Variants in SGCZ observed in about 807,000 individuals in gnomAD.
The protein encoded by SGCZ is zeta-sarcoglycan.
In SGCZ, 40 loss-of-function variants were observed where a neutral mutation model predicts 41.3. That is an observed-to-expected ratio of 0.97 (90% CI 0.75 to 1.26). The LOEUF (loss-of-function observed/expected upper bound fraction) is 1.26, where lower values mean the gene tolerates loss of function less well. SGCZ is among the 50% of genes most tolerant of loss of function. The probability of loss-of-function intolerance (pLI) is 0.00; values close to 1 mark genes in which losing one functional copy is unlikely to be tolerated. For missense variants in SGCZ, 552 were observed against 369.8 expected (o/e 1.49, Z -4.04); for synonymous variants, 206 against 137.5 (o/e 1.50, Z -3.49).
chr8:14,806,761 T>A (rs955950605), intron 1 of SGCZ, among the ~76,000 whole-genome samples: 29 of 152,252 alleles, frequency 1.9e-4, no homozygotes, highest in African/African-American at 6.7e-4. Flanking sequence ...TACCAAAGCC[T>A]GGCAGAGACA....
intron 1 of SGCZ, among the ~76,000 whole-genome samples, chr8:15,189,093 C>G (rs1800445213): frequency 6.6e-6 from 1 of 152,086 alleles, no homozygotes; most frequent in South Asian, 2.1e-4. Flanking sequence ...TTAAGAGATT[C>G]AGGAAGATGG....
intron 1 of SGCZ, among the ~76,000 whole-genome samples, chr8:15,230,685 C>G (rs1038372655): frequency 6.6e-6 from 1 of 152,168 alleles, no homozygotes; most frequent in African/African-American, 2.4e-5. Flanking sequence ...ACCTTCCATT[C>G]TTCAGTCTAC....
intron 3 of SGCZ, among the ~76,000 whole-genome samples, chr8:14,256,409 A>G (rs949104560): frequency 2.0e-5 from 3 of 152,176 alleles, no homozygotes; most frequent in African/African-American, 7.2e-5. Context: ...GGAACTTGTT[A>G]GCACTCTGAT....
intron 2 of SGCZ, among the ~76,000 whole-genome samples, chr8:14,448,663 C>A (rs565281753): frequency 6.6e-6 from 1 of 150,954 alleles, no homozygotes; most frequent in Non-Finnish European, 1.5e-5. Flanking sequence ...ATTCAAGTTT[C>A]CTCAGTTCAT....
At chr8:14,318,076 C>T (rs1014383425) in intron 3 of SGCZ, among the ~76,000 whole-genome samples, 2 of 151,594 alleles carry the variant, frequency 1.3e-5, no homozygotes, top group African/African-American at 4.8e-5. Context: ...CTTGAGAATG[C>T]AGTGTATAAG....
chr8:14,435,422 T>G (rs140623914), intron 2 of SGCZ, among the ~76,000 whole-genome samples: 3,119 of 152,290 alleles, frequency 0.02, 64 homozygotes, highest in African/African-American at 0.039. Flanking sequence ...AGCATTAGTT[T>G]TAATTGTTTA....
At chr8:14,824,780 C>T (rs150980996) in intron 1 of SGCZ, among the ~76,000 whole-genome samples, 48 of 152,154 alleles carry the variant, frequency 3.2e-4, no homozygotes, top group African/African-American at 1.0e-3. Flanking sequence ...TCTACATAAA[C>T]GCTTAAATTT....
At chr8:14,284,959 T>A (rs995964587) in intron 3 of SGCZ, among the ~76,000 whole-genome samples, 5 of 152,190 alleles carry the variant, frequency 3.3e-5, no homozygotes, top group African/African-American at 1.2e-4. Flanking sequence ...ATGTTGGGCA[T>A]TTTCTATAAA....
intron 1 of SGCZ, among the ~76,000 whole-genome samples, chr8:14,723,165 G>C (rs547240982): frequency 6.6e-6 from 1 of 152,188 alleles, no homozygotes; most frequent in Non-Finnish European, 1.5e-5. Flanking sequence ...CACTCCCATG[G>C]AAAGAAACAG....
At chr8:14,614,929 A>T (rs190850211) in intron 1 of SGCZ, among the ~76,000 whole-genome samples, 1 of 152,276 alleles carries the variant, frequency 6.6e-6, no homozygotes, top group East Asian at 1.9e-4. Context: ...ATATTTTATC[A>T]CTTTATATAT....
intron 1 of SGCZ, among the ~76,000 whole-genome samples, chr8:14,645,088 C>A (rs1038438552): frequency 6.6e-6 from 1 of 151,486 alleles, no homozygotes; most frequent in East Asian, 2.0e-4. Context: ...TGGCAAGCAT[C>A]CCAGGGCATA....
intron 1 of SGCZ, among the ~76,000 whole-genome samples, chr8:14,831,150 T>A (rs145448028): frequency 7.9e-5 from 12 of 152,258 alleles, no homozygotes; most frequent in African/African-American, 2.6e-4. Context: ...ATGTCCATGA[T>A]GGAAACTATG....
chr8:15,031,422 C>T (rs1331765963), intron 1 of SGCZ, among the ~76,000 whole-genome samples: 1 of 152,114 alleles, frequency 6.6e-6, no homozygotes, highest in Admixed American at 6.5e-5. Context: ...TTTTGTTTTG[C>T]ATTAGGCTAA....
chr8:15,178,394 A>G (rs1585644131), intron 1 of SGCZ, among the ~76,000 whole-genome samples: 1 of 152,198 alleles, frequency 6.6e-6, no homozygotes, highest in East Asian at 1.9e-4. Context: ...TAATTTCTCT[A>G]AGCCTCAATT....
At chr8:15,018,080 A>C (rs1803107553) in intron 1 of SGCZ, among the ~76,000 whole-genome samples, 1 of 152,156 alleles carries the variant, frequency 6.6e-6, no homozygotes, top group African/African-American at 2.4e-5. Flanking sequence ...CTGGTACTGA[A>C]ATAATATCAA....
intron 2 of SGCZ, among the ~76,000 whole-genome samples, chr8:14,464,992 G>A (rs533578782): frequency 3.3e-5 from 5 of 151,608 alleles, no homozygotes; most frequent in African/African-American, 1.2e-4. Flanking sequence ...TAATCTGTGG[G>A]CAAACATATG....
intron 1 of SGCZ, among the ~76,000 whole-genome samples, chr8:14,884,022 C>T (rs751063239): frequency 2.6e-5 from 4 of 151,928 alleles, no homozygotes; most frequent in African/African-American, 9.7e-5. Context: ...GTAATGGAGC[C>T]AACCATTTGT....
chr8:14,542,672 C>T (rs1424127863), intron 2 of SGCZ, among the ~76,000 whole-genome samples: 1 of 152,042 alleles, frequency 6.6e-6, no homozygotes, highest in African/African-American at 2.4e-5. Context: ...GTTTTAAAAG[C>T]TACTACATCA....
chr8:14,334,620 A>G (rs901350793), intron 2 of SGCZ, among the ~76,000 whole-genome samples: 2 of 151,950 alleles, frequency 1.3e-5, no homozygotes. Context: ...TGTTTCCCTG[A>G]TTCATTTCCC....
Sources: gnomAD v4.1 joint callset for allele counts (sites outside exome capture counted in the v4.1 genomes callset) on GRCh38, gnomAD v4.1.1 for gene constraint, MANE v1.5 for transcripts, NCBI Gene and HGNC (gene_info 2026-07-23, HGNC 2026-07-21) for gene names.